The following LRBA variants were observed in gnomAD, a reference collection of about 807,000 sequenced individuals.
LRBA encodes the protein lipopolysaccharide-responsive and beige-like anchor protein.
Under a neutral mutation model 330.0 loss-of-function variants are expected in LRBA, and 176 were observed. The ratio of observed to expected loss-of-function variants is 0.53; its 90% CI spans 0.47 to 0.60. LRBA has a LOEUF of 0.60. LRBA is among the 20% of genes least tolerant of loss of function. The pLI, the probability that LRBA is intolerant of heterozygous loss-of-function variation, is 0.00. For missense variants in LRBA, 3,259 were observed against 3,444.8 expected (o/e 0.95, Z 1.35); for synonymous variants, 1,230 against 1,193.0 (o/e 1.03, Z -0.64).
intron 35 of LRBA, among the ~76,000 whole-genome samples, chr4:150,738,331 T>G (rs1411576205): frequency 3.3e-5 from 5 of 152,208 alleles, no homozygotes; most frequent in Middle Eastern, 3.4e-3. Flanking sequence ...GTCTTTTTTC[T>G]TGCTAAGCTG....
intron 37 of LRBA, among the ~76,000 whole-genome samples, chr4:150,655,285 T>G (rs894573757): frequency 1.3e-5 from 2 of 152,382 alleles, no homozygotes; most frequent in Non-Finnish European, 2.9e-5. Context: ...CCTTGTTTTG[T>G]TCATTTATCC....
intron 44 of LRBA, among the ~76,000 whole-genome samples, chr4:150,440,418 G>A (rs573296091): frequency 3.9e-5 from 6 of 152,114 alleles, no homozygotes; most frequent in African/African-American, 1.4e-4. Flanking sequence ...ATAGGTTTAA[G>A]TAAAATAGAA....
At chr4:150,559,904 ATTATATATAATATATAAATATAAAT>A (rs1768058446) in intron 40 of LRBA, among the ~76,000 whole-genome samples, 1 of 67,802 alleles carries the variant, frequency 1.5e-5, no homozygotes, top group Non-Finnish European at 2.8e-5. Flanking sequence ...ATTATATATA[ATTATATATAATATATAAATATAAAT>A]ATATATATAT....
At chr4:150,481,135 T>C (rs1421355053) in intron 42 of LRBA, among the ~76,000 whole-genome samples, 2 of 152,226 alleles carry the variant, frequency 1.3e-5, no homozygotes, top group Non-Finnish European at 2.9e-5. Context: ...TATAATGTCC[T>C]GCAGTTCCAT....
intron 40 of LRBA, chr4:150,581,025 G>C (rs1412793981): frequency 1.3e-5 from 2 of 155,520 alleles, no homozygotes; most frequent in African/African-American, 4.8e-5. Context: ...GAAAACTTTA[G>C]GTTTACATTT....
At chr4:150,455,296 G>A (rs1254101080) in intron 44 of LRBA, among the ~76,000 whole-genome samples, 7 of 151,968 alleles carry the variant, frequency 4.6e-5, no homozygotes, top group Non-Finnish European at 8.8e-5. Flanking sequence ...ATACCCAAAT[G>A]ACTATAAATC....
intron 22 of LRBA, among the ~76,000 whole-genome samples, chr4:150,860,725 G>T (rs2126955845): frequency 6.6e-6 from 1 of 152,206 alleles, no homozygotes; most frequent in South Asian, 2.1e-4. Flanking sequence ...TACTCAGGGA[G>T]GCTGAGGCAG....
At chr4:150,952,934 TTC>T (rs2149547337) in intron 2 of LRBA, among the ~76,000 whole-genome samples, 1 of 152,274 alleles carries the variant, frequency 6.6e-6, no homozygotes, top group East Asian at 1.9e-4. Flanking sequence ...TCCTTTCCTC[TTC>T]TGTTTCCCTG....
At chr4:150,506,375 C>T (rs1362306136) in intron 40 of LRBA, among the ~76,000 whole-genome samples, 4 of 152,142 alleles carry the variant, frequency 2.6e-5, no homozygotes, top group African/African-American at 9.7e-5. Context: ...AAAGCTTATC[C>T]ACCATGATCA....
Position 150,886,239 on chromosome 4 carries a change from T to A in LRBA, c.2165+6813A>T, listed in dbSNP as rs188526866. ...TTTTTTCCTTTCTCTCTTCTGAATCTGCCCCTGTTTCAGGGCTGGATGTCA... is the reference window on the plus strand; with the variant it reads ...TTTTTTCCTTTCTCTCTTCTGAATCAGCCCCTGTTTCAGGGCTGGATGTCA... On this transcript the variant is annotated intron_variant, in intron 17 of 56. Transcript: ENST00000651943. Among the ~76,000 whole-genome samples the A allele has an allele frequency of 4.7e-3, 717 of 152,344 alleles. 3 individuals are homozygous for A. Among genetic ancestry groups the A allele is most frequent in the African/African-American group, 0.017 (686 of 41,570 alleles).
chr4:150,977,745 A>G lies in LRBA; in HGVS notation c.216+36682T>C, dbSNP rs181161865. Among the ~76,000 whole-genome samples, 12 of 152,306 alleles carry G rather than the reference A, an allele frequency of 7.9e-5. No individual in the cohort carries two copies. The East Asian group carries it at 1.4e-3, about 17-fold the overall frequency. ...AAGAGTCCTTGGGCCTTAAGCGAAC[A>G]TTGGCAGTAACCTGGCAGTATTCCC... On this transcript the variant is annotated intron_variant, in intron 2 of 56. Transcript: ENST00000651943.
intron 50 of LRBA, among the ~76,000 whole-genome samples, chr4:150,317,296 TG>T (rs962333022): frequency 6.6e-6 from 1 of 152,124 alleles, no homozygotes; most frequent in Non-Finnish European, 1.5e-5. Flanking sequence ...AAAATAAATA[TG>T]GGGTACATTT....
chr4:150,416,283 A>G (rs1051265248), intron 46 of LRBA, among the ~76,000 whole-genome samples: 1 of 152,248 alleles, frequency 6.6e-6, no homozygotes, highest in African/African-American at 2.4e-5. Context: ...GGCTCTGTAG[A>G]TCAGACTTGA....
chr4:150,393,573 C>A (rs1744310957), intron 47 of LRBA, among the ~76,000 whole-genome samples: 1 of 145,984 alleles, frequency 6.9e-6, no homozygotes, highest in South Asian at 2.4e-4. Flanking sequence ...TAACCTCAAA[C>A]TCCTGGGCTC....
At chr4:150,420,099 A>G (rs951045358) in intron 46 of LRBA, among the ~76,000 whole-genome samples, 8 of 150,526 alleles carry the variant, frequency 5.3e-5, no homozygotes, top group Non-Finnish European at 1.0e-4. Flanking sequence ...TTAGCCAGGT[A>G]TGGTGGCATG....
intron 2 of LRBA, among the ~76,000 whole-genome samples, chr4:151,006,514 A>C (rs1464140437): frequency 3.3e-5 from 5 of 152,106 alleles, no homozygotes; most frequent in African/African-American, 1.2e-4. Flanking sequence ...AAGTATTATA[A>C]AACAAAAATG....
At chr4:150,913,623 T>C (rs1560997650) in intron 9 of LRBA, among the ~76,000 whole-genome samples, 1 of 152,246 alleles carries the variant, frequency 6.6e-6, no homozygotes, top group Non-Finnish European at 1.5e-5. Flanking sequence ...TATTGAAAGC[T>C]GAATACTGAA....
intron 2 of LRBA, among the ~76,000 whole-genome samples, chr4:151,000,666 A>G (rs1374974350): frequency 4.6e-5 from 7 of 152,222 alleles, no homozygotes; most frequent in Non-Finnish European, 1.0e-4. Flanking sequence ...AGATTTCATC[A>G]CACTACTCAA....
intron 2 of LRBA, among the ~76,000 whole-genome samples, chr4:150,980,258 T>G (rs2149602764): frequency 6.6e-6 from 1 of 152,266 alleles, no homozygotes; most frequent in African/African-American, 2.4e-5. Context: ...GAAAAAGCAT[T>G]TGACAAAATT....
Sources: gnomAD v4.1 joint callset for allele counts (sites outside exome capture counted in the v4.1 genomes callset) on GRCh38, gnomAD v4.1.1 for gene constraint, MANE v1.5 for transcripts, NCBI Gene and HGNC (gene_info 2026-07-23, HGNC 2026-07-21) for gene names.